ATP2B2: variants seen among roughly 807,000 people sequenced by gnomAD.
The protein encoded by ATP2B2 is plasma membrane calcium-transporting ATPase 2.
ATP2B2 carries 15 observed loss-of-function variants against 120.0 expected under a neutral mutation model. That is an observed-to-expected ratio of 0.12 (90% confidence interval 0.08 to 0.19). The LOEUF is 0.19. Ranked by LOEUF, ATP2B2 falls within the 10% of genes least tolerant of loss-of-function variation. The probability of loss-of-function intolerance (pLI) is 1.00; values close to 1 mark genes in which losing one functional copy is unlikely to be tolerated. For missense variants in ATP2B2, 1,045 were observed against 1,719.8 expected, an observed-to-expected ratio of 0.61 and a Z score of 6.94; for synonymous variants, 694 against 700.3, an observed-to-expected ratio of 0.99 and a Z score of 0.14.
chr3:10,454,758 T>A (rs2064191529), intron 1 of ATP2B2, among the ~76,000 whole-genome samples: 1 of 152,220 alleles, frequency 6.6e-6, no homozygotes, highest in East Asian at 1.9e-4. Context: ...TTGCCTAGAA[T>A]ACCTCAGATG....
chr3:10,415,233 C>T (rs1003439879), intron 2 of ATP2B2, among the ~76,000 whole-genome samples: 4 of 152,196 alleles, frequency 2.6e-5, no homozygotes, highest in South Asian at 2.1e-4. Context: ...GGCTTCAACA[C>T]GATGTCTCAC....
At chr3:10,494,908 T>C (rs1212212009) in intron 1 of ATP2B2, among the ~76,000 whole-genome samples, 2 of 152,076 alleles carry the variant, frequency 1.3e-5, no homozygotes, top group Non-Finnish European at 2.9e-5. Context: ...GAACAGTAAC[T>C]CACTGAGGGG....
chr3:10,595,729 G>C (rs747986350), intron 2 of ATP2B2, among the ~76,000 whole-genome samples: 2 of 152,158 alleles, frequency 1.3e-5, no homozygotes, highest in Non-Finnish European at 2.9e-5. Flanking sequence ...AGAGCCACCT[G>C]TAAATATGAC....
intron 14 of ATP2B2, among the ~76,000 whole-genome samples, chr3:10,356,163 T>C (rs866077781): frequency 9.0e-5 from 13 of 145,026 alleles, no homozygotes; most frequent in African/African-American, 3.1e-4. Flanking sequence ...TGCGTGTGTG[T>C]GTGTGTGTGT....
At chr3:10,385,715 A>C (rs559595950) in intron 7 of ATP2B2, among the ~76,000 whole-genome samples, 1 of 152,198 alleles carries the variant, frequency 6.6e-6, no homozygotes, top group Admixed American at 6.5e-5. Flanking sequence ...AAAAATATTC[A>C]CTAGGCAGTG....
chr3:10,483,152 C>G (rs918894462), intron 1 of ATP2B2, among the ~76,000 whole-genome samples: 10 of 152,288 alleles, frequency 6.6e-5, no homozygotes, highest in Non-Finnish European at 5.9e-5. Flanking sequence ...ATGTCGGGGC[C>G]GACAAAACTG....
chr3:10,507,802 G>C (rs2066676260), upstream of ATP2B2, among the ~76,000 whole-genome samples: 9 of 152,200 alleles, frequency 5.9e-5, no homozygotes, highest in South Asian at 1.9e-3. Flanking sequence ...GAGCACCCAA[G>C]GTACAGATGG....
rs901882547 is a variant in ATP2B2, at chr3:10,402,966, T to C, written c.398-618A>G. ...TTTCCAGAACAAAGGCAGCCAATATTACACTTGCTTTAGGGTCTGAAAAGG... is the reference window on the plus strand; with the variant it reads ...TTTCCAGAACAAAGGCAGCCAATATCACACTTGCTTTAGGGTCTGAAAAGG... On this transcript the variant is annotated intron_variant, in intron 3 of 22. Transcript: ENST00000360273. This position sits in a 1 kb window ranked among gnomAD's most constrained non-coding sequence, Gnocchi z 4.9. 6.7e-6 allele frequency among the ~76,000 whole-genome samples: 1 copy of C among 149,290 alleles called. No homozygotes were observed. The highest frequency in any genetic ancestry group is 6.6e-5 in the Admixed American group (1 of 15,234).
intron 1 of ATP2B2, among the ~76,000 whole-genome samples, chr3:10,451,468 A>G (rs2064047851): frequency 6.6e-6 from 1 of 152,206 alleles, no homozygotes; most frequent in Admixed American, 6.5e-5. Context: ...CAGTTTACTG[A>G]GAACTAATTA....
intron 3 of ATP2B2, among the ~76,000 whole-genome samples, chr3:10,524,207 C>T (rs755233808): frequency 1.1e-4 from 16 of 152,054 alleles, no homozygotes; most frequent in African/African-American, 1.7e-4. Context: ...GCATCCTGAA[C>T]GTGGGAGCCT....
At chr3:10,640,422 G>C (rs1287887132) in intron 1 of ATP2B2, among the ~76,000 whole-genome samples, 2 of 152,150 alleles carry the variant, frequency 1.3e-5, no homozygotes, top group Non-Finnish European at 2.9e-5. Flanking sequence ...TGCAAATACT[G>C]CAGAGGGGGC....
intron 2 of ATP2B2, among the ~76,000 whole-genome samples, chr3:10,552,747 TG>T (rs895717385): frequency 2.0e-5 from 3 of 152,160 alleles, no homozygotes; most frequent in Admixed American, 6.5e-5. Flanking sequence ...TGCTCAAAAA[TG>T]GGTCAGGAAA....
chr3:10,341,660 G>T (rs1219632982), intron 19 of ATP2B2, among the ~76,000 whole-genome samples: 1 of 152,122 alleles, frequency 6.6e-6, no homozygotes, highest in African/African-American at 2.4e-5. Flanking sequence ...CAGGAGGCTT[G>T]TGGAGTTTTC....
intron 5 of ATP2B2, among the ~76,000 whole-genome samples, chr3:10,391,619 C>A (rs1023293151): frequency 1.3e-5 from 2 of 152,176 alleles, no homozygotes; most frequent in Non-Finnish European, 2.9e-5. Flanking sequence ...AGGCATAGTG[C>A]GCTCCCCGCC....
chr3:10,354,009 C>T (rs984001341), intron 14 of ATP2B2, among the ~76,000 whole-genome samples: 5 of 152,218 alleles, frequency 3.3e-5, no homozygotes, highest in African/African-American at 9.6e-5. Context: ...AGGGCATTCA[C>T]GAGGCCCCAG....
chr3:10,452,822 T>C (rs1276952169), intron 1 of ATP2B2, among the ~76,000 whole-genome samples: 1 of 152,162 alleles, frequency 6.6e-6, no homozygotes, highest in East Asian at 1.9e-4. Flanking sequence ...CAGAAGGAAC[T>C]TGGGACTGAC....
chr3:10,578,558 A>G (rs2068308781), intron 2 of ATP2B2, among the ~76,000 whole-genome samples: 1 of 147,834 alleles, frequency 6.8e-6, no homozygotes, highest in Non-Finnish European at 1.5e-5. Flanking sequence ...AAAAAAAAAA[A>G]CAAAAAGAAA....
intron 1 of ATP2B2, among the ~76,000 whole-genome samples, chr3:10,686,353 G>A (rs755379610): frequency 1.1e-4 from 16 of 152,080 alleles, no homozygotes; most frequent in Non-Finnish European, 1.5e-4. Flanking sequence ...TATCACGTCT[G>A]TTTTTAAAAG....
chr3:10,517,624 G>A (rs539630195), intron 3 of ATP2B2, among the ~76,000 whole-genome samples: 6 of 152,244 alleles, frequency 3.9e-5, no homozygotes, highest in East Asian at 1.9e-4. Flanking sequence ...ACCAGGCACC[G>A]GGCTAAGAAA....
Sources: gnomAD v4.1 joint callset for allele counts (sites outside exome capture counted in the v4.1 genomes callset) on GRCh38, gnomAD v4.1.1 for gene constraint, Gnocchi (gnomAD v3.1) non-coding constraint, MANE v1.5 for transcripts, NCBI Gene and HGNC (gene_info 2026-07-23, HGNC 2026-07-21) for gene names.